The following ITGA11 variants were observed in gnomAD, a reference collection of about 807,000 sequenced individuals.
ITGA11 encodes integrin alpha-11.
In ITGA11, 97 loss-of-function variants were observed where a neutral mutation model predicts 141.9. That is an observed-to-expected ratio of 0.68 (90% CI 0.58 to 0.81). The LOEUF (loss-of-function observed/expected upper bound fraction) is 0.81. Ranked by LOEUF, ITGA11 falls within the 30% of genes least tolerant of loss-of-function variation. ITGA11 has a pLI of 0.00. For missense variants in ITGA11, 1,387 were observed against 1,559.2 expected (o/e 0.89, Z 1.86); for synonymous variants, 658 against 624.6 (o/e 1.05, Z -0.80).
At chr15:68,402,862 A>AG (rs1896542375) in intron 2 of ITGA11, 56 bp downstream of exon 2, 1 of 1,209,276 alleles carries the variant, frequency 8.3e-7, no homozygotes, top group East Asian at 2.5e-5. Context: ...GGCAGGATGG[A>AG]GGGGGCTGGG....
intron 5 of ITGA11, among the ~76,000 whole-genome samples, chr15:68,360,031 C>T (rs930515336): frequency 7.9e-5 from 12 of 152,176 alleles, no homozygotes; most frequent in Admixed American, 5.9e-4. Context: ...CTGTTGCAGG[C>T]TTTGTGTTTA....
intron 4 of ITGA11, 43 bp downstream of exon 4, chr15:68,364,664 C>T (rs767626804): frequency 3.0e-6 from 4 of 1,353,062 alleles, no homozygotes; most frequent in Non-Finnish European, 4.2e-6. Flanking sequence ...CCCACCCCCA[C>T]CCCTGCCTCT....
At chr15:68,431,947 G>T in intron 1 of ITGA11, 68 bp downstream of exon 1, 5 of 1,128,610 alleles carry the variant, frequency 4.4e-6, no homozygotes, top group Non-Finnish European at 5.7e-6. Context: ...CCTGGCCGCT[G>T]GATCCAAGCC....
chr15:68,396,096 T>A (rs1393488368), intron 2 of ITGA11, among the ~76,000 whole-genome samples: 1 of 151,796 alleles, frequency 6.6e-6, no homozygotes, highest in Non-Finnish European at 1.5e-5. Context: ...AAAAAGAAAA[T>A]TTACAGGTCA....
At chr15:68,381,846 G>A (rs1034099664) in intron 2 of ITGA11, among the ~76,000 whole-genome samples, 1 of 152,042 alleles carries the variant, frequency 6.6e-6, no homozygotes, top group South Asian at 2.1e-4. Flanking sequence ...GTGAGCCACC[G>A]CACCCAGCTA....
rs757697226 is a variant in ITGA11 at position 68,321,408 on chromosome 15, G to A, written c.2408+10C>T. The A allele has an allele frequency of 6.4e-7, 1 of 1,554,938 alleles. No individual in the cohort carries two copies. Among genetic ancestry groups the A allele is most frequent in the Non-Finnish European group, 8.7e-7 (1 of 1,146,468 alleles). The stretch of plus-strand genomic sequence containing the variant: ...AGGGGCGAGGGTGGGGGTGGAAGGA[G>A]CCAACTCACATGGCCGTGGGCAGGT... On this transcript the variant is annotated intron_variant, in intron 19 of 29. Transcript: ENST00000315757. This position sits in a 1 kb window ranked among gnomAD's most constrained non-coding sequence, Gnocchi z 4.9.
chr15:68,403,456 C>A (rs911145230), intron 1 of ITGA11, among the ~76,000 whole-genome samples: 2 of 151,954 alleles, frequency 1.3e-5, no homozygotes, highest in Non-Finnish European at 2.9e-5. Context: ...TGTGGGGCCT[C>A]CCCCCTCTCT....
At chr15:68,385,874 C>T (rs1895973303) in intron 2 of ITGA11, among the ~76,000 whole-genome samples, 1 of 152,108 alleles carries the variant, frequency 6.6e-6, no homozygotes, top group Non-Finnish European at 1.5e-5. Context: ...CAAATGATTT[C>T]TCAGACCCCT....
intron 1 of ITGA11, among the ~76,000 whole-genome samples, chr15:68,429,310 C>T (rs1437289794): frequency 1.3e-5 from 2 of 152,216 alleles, no homozygotes; most frequent in Admixed American, 6.5e-5. Flanking sequence ...TCCACCCTTA[C>T]GCTGTGTCTG....
rs752049535 is a variant in ITGA11, at chr15:68,332,449, G to A, written c.1455C>T (p.Thr485=). The change falls in exon 13 of 30, where the codon ACC becomes ACT. Residue 485 remains threonine (T), a synonymous_variant. Coordinates refer to ENST00000315757, the MANE Select transcript of ITGA11 (RefSeq NM_001004439.2). ...QIGSYFGSEI[T]SVDIDGDGVT... is the part of the protein sequence containing the mutation. ...CGCCGTCGCCGTCGATGTCCACCGA[G>A]GTGATTTCACTCCCAAAGTAAGAGC... 1 of 1,612,384 alleles carries A rather than the reference G, an allele frequency of 6.2e-7. No homozygotes were observed. Among genetic ancestry groups the A allele is most frequent in the East Asian group, 2.2e-5 (1 of 44,846 alleles).
At chr15:68,344,292 G>A (rs961970354) in intron 10 of ITGA11, among the ~76,000 whole-genome samples, 1 of 152,126 alleles carries the variant, frequency 6.6e-6, no homozygotes, top group Non-Finnish European at 1.5e-5. Flanking sequence ...GTCTAGGGGG[G>A]CACAGGAGGG....
intron 2 of ITGA11, among the ~76,000 whole-genome samples, chr15:68,375,406 G>A (rs771500664): frequency 1.8e-4 from 27 of 152,256 alleles, no homozygotes; most frequent in Non-Finnish European, 5.9e-5. Context: ...TCCAGCCCCT[G>A]TGAGTTTGGT....
At chr15:68,311,810 C>T (rs918411911) in intron 24 of ITGA11, among the ~76,000 whole-genome samples, 5 of 152,220 alleles carry the variant, frequency 3.3e-5, no homozygotes, top group Non-Finnish European at 5.9e-5. Context: ...TAATTAAACT[C>T]GCTATTTATT....
In ITGA11 at chr15:68,324,850, C is replaced by T. The variant is rs941451927; in HGVS notation, c.2322+281G>A. On this transcript the variant is annotated intron_variant, in intron 18 of 29. Transcript: ENST00000315757. The surrounding 1 kb of genome is among the most constrained non-coding windows in gnomAD (Gnocchi z 6.3). ...CATCCAGTGGTTCTTTGTATTTCTC[C>T]GGTGCTCACCCTGTGCTCCCCTGTG... 2.0e-5 allele frequency among the ~76,000 whole-genome samples: 3 copies of T among 152,096 alleles called. No homozygotes were observed. The highest frequency in any genetic ancestry group is 4.8e-5 in the African/African-American group (2 of 41,404).
chr15:68,357,328 C>A (rs1895102780), intron 6 of ITGA11, 29 bp from the exon 7 acceptor site: 4 of 1,600,538 alleles, frequency 2.5e-6, no homozygotes, highest in Non-Finnish European at 3.4e-6. Flanking sequence ...GGCAACAGAA[C>A]ATTTTGACCC....
In ITGA11 at chr15:68,364,922, C is replaced by T. The variant is rs1020927550; in HGVS notation, c.266-124G>A. On this transcript the variant is annotated intron_variant, in intron 3 of 29. Transcript: ENST00000315757. ...TCCCTGACCCTGGGGACCTCTGGCTCTCAGGGTTTACAAAGGCCTTCCCCA... is the reference window on the plus strand; with the variant it reads ...TCCCTGACCCTGGGGACCTCTGGCTTTCAGGGTTTACAAAGGCCTTCCCCA... The T allele has an allele frequency of 1.0e-5, 10 of 981,706 alleles. No homozygotes were observed. The East Asian group carries it at 1.6e-4, about 15-fold the overall frequency. The allele number at this position is 981,706 out of a possible 1,614,324, so 60.8% of individuals were successfully genotyped here. A position where few individuals can be genotyped will look rare whatever the true frequency, so the allele number is the denominator to read the frequency against.
chr15:68,330,970 G>A lies in ITGA11; in HGVS notation c.1901+11C>T. 1 of 1,613,528 alleles carries A rather than the reference G, an allele frequency of 6.2e-7. No homozygotes were observed. Among genetic ancestry groups the A allele is most frequent in the Non-Finnish European group, 8.5e-7 (1 of 1,179,562 alleles). On this transcript the variant is annotated intron_variant, in intron 15 of 29. Transcript: ENST00000315757. ...GAGAGCCCAGGAGGTGGGAACAGCG[G>A]GGGAACCAACCACAGAATCACAGCG...
rs200598910 is a variant in ITGA11, at chr15:68,315,744, G to A, written c.2716-17C>T. On this transcript the variant is annotated splice_polypyrimidine_tract_variant and intron_variant, in intron 21 of 29. Coordinates refer to ENST00000315757, the MANE Select transcript of ITGA11 (RefSeq NM_001004439.2). ...GAAAGCCACCTGCAAGGAAGCAGTCGCATGTCTGGGCATTGCTGGGACCAG... is the reference window on the plus strand; with the variant it reads ...GAAAGCCACCTGCAAGGAAGCAGTCACATGTCTGGGCATTGCTGGGACCAG... 37 of 1,591,348 alleles carry A rather than the reference G, an allele frequency of 2.3e-5. No individual in the cohort carries two copies. The highest frequency in any genetic ancestry group is 1.9e-4 in the Admixed American group (11 of 57,958).
chr15:68,426,477 G>T (rs1317821487), intron 1 of ITGA11, among the ~76,000 whole-genome samples: 1 of 152,110 alleles, frequency 6.6e-6, no homozygotes, highest in East Asian at 1.9e-4. Context: ...AGAGGGGAGA[G>T]GGAGAGACGT....
Sources: allele counts gnomAD v4.1 joint callset (sites outside exome capture counted in the v4.1 genomes callset), GRCh38; gene constraint gnomAD v4.1.1; non-coding constraint Gnocchi (gnomAD v3.1); transcripts MANE v1.5; gene names NCBI Gene and HGNC (gene_info 2026-07-23, HGNC 2026-07-21).